PTPRR: variants seen among roughly 807,000 people sequenced by gnomAD.
PTPRR encodes the protein protein tyrosine phosphatase receptor type R.
In PTPRR, 38 loss-of-function variants were observed where a neutral mutation model predicts 77.2. The observed-to-expected ratio is 0.49, with a 90% CI of 0.38 to 0.65. PTPRR has a LOEUF of 0.65. Among genes scored for constraint, PTPRR ranks in the 30% least tolerant of loss-of-function variants. The pLI is 0.00. For synonymous variants in PTPRR, 299 were observed against 283.1 expected, an observed-to-expected ratio of 1.06 and a Z score of -0.57; for missense variants, 744 against 799.2, an observed-to-expected ratio of 0.93 and a Z score of 0.83.
rs1457508248 is a variant in PTPRR at position 70,790,115 on chromosome 12, T to C, written c.358-25337A>G. 2.6e-5 allele frequency among the ~76,000 whole-genome samples: 4 copies of C among 152,206 alleles called. No individual in the cohort carries two copies. The East Asian group carries it at 7.7e-4, about 29-fold the overall frequency. On this transcript the variant is annotated intron_variant, in intron 2 of 13. Coordinates refer to ENST00000283228, the MANE Select transcript of PTPRR (RefSeq NM_002849.4). The stretch of plus-strand genomic sequence containing the variant: ...TTCTAATTTATATTCAAATGTGTTA[T>C]AATATTTCTCATATTAAAACAAAAG...
intron 8 of PTPRR, among the ~76,000 whole-genome samples, chr12:70,687,726 C>T (rs539333470): frequency 1.6e-4 from 24 of 152,176 alleles, no homozygotes; most frequent in African/African-American, 4.8e-4. Context: ...AAGGACTGTT[C>T]GAATCAGGAT....
chr12:70,724,243 C>T (rs1157137549), intron 6 of PTPRR, among the ~76,000 whole-genome samples: 1 of 152,134 alleles, frequency 6.6e-6, no homozygotes, highest in Non-Finnish European at 1.5e-5. Flanking sequence ...CATGCTACTT[C>T]TGCTGTCACT....
chr12:70,904,516 C>T (rs1893590348), intron 1 of PTPRR, among the ~76,000 whole-genome samples: 1 of 151,774 alleles, frequency 6.6e-6, no homozygotes, highest in South Asian at 2.1e-4. Context: ...TTATGAAATA[C>T]AGATCAGTGG....
intron 10 of PTPRR, among the ~76,000 whole-genome samples, chr12:70,680,805 G>A (rs1010915725): frequency 6.6e-6 from 1 of 152,182 alleles, no homozygotes; most frequent in Non-Finnish European, 1.5e-5. Flanking sequence ...GGTATATGCG[G>A]ACAGGTCTGC....
intron 6 of PTPRR, among the ~76,000 whole-genome samples, chr12:70,720,938 T>G (rs1458984640): frequency 3.3e-5 from 5 of 152,142 alleles, no homozygotes; most frequent in Non-Finnish European, 2.9e-5. Flanking sequence ...GATTTGGTTC[T>G]TCACTGAATA....
chr12:70,888,030 G>GTCT (rs71068729), intron 2 of PTPRR, among the ~76,000 whole-genome samples: 5 of 151,678 alleles, frequency 3.3e-5, no homozygotes, highest in African/African-American at 7.3e-5. Flanking sequence ...GTGTGTGTGT[G>GTCT]GGTGTGTGTG....
At chr12:70,834,609 T>C (rs1041078186) in intron 2 of PTPRR, among the ~76,000 whole-genome samples, 2 of 152,172 alleles carry the variant, frequency 1.3e-5, no homozygotes, top group African/African-American at 4.8e-5. Flanking sequence ...AGAGTTCAAA[T>C]GATGAGAATG....
chr12:70,801,646 G>A (rs140394516), intron 2 of PTPRR, among the ~76,000 whole-genome samples: 1,643 of 152,182 alleles, frequency 0.011, 17 homozygotes, highest in Middle Eastern at 0.031. Flanking sequence ...ACTCAGACTG[G>A]AACTATACTA....
At chr12:70,868,701 G>C (rs1200648367) in intron 2 of PTPRR, among the ~76,000 whole-genome samples, 1 of 152,022 alleles carries the variant, frequency 6.6e-6, no homozygotes, top group African/African-American at 2.4e-5. Flanking sequence ...ATACCCAAAG[G>C]ATTATAAATC....
At chr12:70,788,456 C>T (rs1474817790) in intron 2 of PTPRR, among the ~76,000 whole-genome samples, 1 of 152,186 alleles carries the variant, frequency 6.6e-6, no homozygotes, top group Admixed American at 6.5e-5. Flanking sequence ...GTGGGAACCA[C>T]ACTAAACAAA....
intron 10 of PTPRR, among the ~76,000 whole-genome samples, chr12:70,675,634 T>C (rs1165654845): frequency 6.6e-6 from 1 of 152,158 alleles, no homozygotes; most frequent in East Asian, 1.9e-4. Flanking sequence ...TGCTCACTAT[T>C]ATTTCTTGTA....
At chr12:70,749,154 AAACAACAAC>A (rs773618710) in intron 5 of PTPRR, among the ~76,000 whole-genome samples, 1 of 152,068 alleles carries the variant, frequency 6.6e-6, no homozygotes, top group African/African-American at 2.4e-5. Context: ...ATAAGACTAA[AAACAACAAC>A]AACAACAACA....
chr12:70,686,541 A>G (rs774821078), intron 8 of PTPRR, among the ~76,000 whole-genome samples: 1 of 152,210 alleles, frequency 6.6e-6, no homozygotes, highest in African/African-American at 2.4e-5. Flanking sequence ...GGCAGAAATT[A>G]AATAGAATAT....
intron 2 of PTPRR, among the ~76,000 whole-genome samples, chr12:70,771,733 C>G (rs1029069887): frequency 6.6e-6 from 1 of 152,110 alleles, no homozygotes; most frequent in Non-Finnish European, 1.5e-5. Context: ...AGTTATCCAT[C>G]TTCAATTTGT....
At chr12:70,830,122 G>A (rs1263109179) in intron 2 of PTPRR, among the ~76,000 whole-genome samples, 6 of 152,078 alleles carry the variant, frequency 3.9e-5, no homozygotes, top group Non-Finnish European at 4.4e-5. Flanking sequence ...ACAAAAAAGC[G>A]TGCTCCTGCG....
chr12:70,874,806 C>A (rs1284946969), intron 2 of PTPRR, among the ~76,000 whole-genome samples: 1 of 150,868 alleles, frequency 6.6e-6, no homozygotes, highest in Non-Finnish European at 1.5e-5. Context: ...CCTATAGTAC[C>A]AGCTGCTCCA....
intron 1 of PTPRR, among the ~76,000 whole-genome samples, chr12:70,911,320 A>G (rs190136159): frequency 7.7e-4 from 117 of 152,258 alleles, no homozygotes; most frequent in African/African-American, 2.6e-3. Context: ...GGAGTAGACA[A>G]CAGATGGGAA....
intron 2 of PTPRR, among the ~76,000 whole-genome samples, chr12:70,841,854 T>C (rs1892403429): frequency 6.6e-6 from 1 of 152,178 alleles, no homozygotes; most frequent in Non-Finnish European, 1.5e-5. Flanking sequence ...AATGAGAATA[T>C]ATGAATGGGC....
intron 2 of PTPRR, among the ~76,000 whole-genome samples, chr12:70,872,178 A>C (rs7313997): frequency 0.17 from 25,145 of 152,110 alleles, 3,259 homozygotes; most frequent in African/African-American, 0.36. Context: ...GTAAACAGAA[A>C]TTACATTTAG....
Sources: gnomAD v4.1 joint callset for allele counts (sites outside exome capture counted in the v4.1 genomes callset) on GRCh38, gnomAD v4.1.1 for gene constraint, MANE v1.5 for transcripts, NCBI Gene and HGNC (gene_info 2026-07-23, HGNC 2026-07-21) for gene names.